The following ASAH2 variants were observed in gnomAD, a reference collection of about 807,000 sequenced individuals.
ASAH2 encodes the protein neutral ceramidase.
ASAH2 carries 58 observed loss-of-function variants against 82.9 expected under a neutral mutation model. The ratio of observed to expected loss-of-function variants is 0.70; its 90% confidence interval spans 0.57 to 0.87. The LOEUF is 0.87. ASAH2 is among the 40% of genes least tolerant of loss of function. The pLI is 0.00. For missense variants in ASAH2, 779 were observed against 834.0 expected (o/e 0.93, Z 0.81); for synonymous variants, 276 against 289.7 (o/e 0.95, Z 0.48).
intron 4 of ASAH2, among the ~76,000 whole-genome samples, chr10:50,240,281 C>T (rs1459486370): frequency 6.6e-6 from 1 of 152,180 alleles, no homozygotes; most frequent in African/African-American, 2.4e-5. Context: ...GCTTCCCTTT[C>T]TTGTTCCTTC....
chr10:50,210,867 G>A lies in ASAH2; in HGVS notation c.1370C>T (p.Ala457Val), dbSNP rs907585652. Residue 457 changes from alanine (A) to valine (V), a missense_variant, in exon 12 of 21, where the codon GCA becomes GTA. Ala to Val is a moderately conservative substitution (Grantham distance 64). Transcript: ENST00000682911. ...TCCAACTCCATCAATAGTGCCAGCT[G>A]CAAAACTGTAGCCCAATGCTGGTTT... ...TCKPALGYSF[A>V]AGTIDGVGGL... 144 of 1,613,406 alleles carry A rather than the reference G, an allele frequency of 8.9e-5. No homozygotes were observed. Among genetic ancestry groups the A allele is most frequent in the Middle Eastern group, 1.7e-4 (1 of 6,056 alleles).
intron 16 of ASAH2, among the ~76,000 whole-genome samples, chr10:50,201,968 T>C (rs1845161541): frequency 6.6e-6 from 1 of 152,116 alleles, no homozygotes; most frequent in South Asian, 2.1e-4. Flanking sequence ...ACTGCTAAAA[T>C]AATTTGTTTG....
chr10:50,195,837 C>A lies in ASAH2; in HGVS notation c.2004+936G>T, dbSNP rs1233653802. ...TGATCTCACTTATATATAGAACCTT[C>A]AAGAGTTAAACTCATAGAAGTAGAG... is the stretch of plus-strand genomic sequence containing the variant. On this transcript the variant is annotated intron_variant, in intron 18 of 20. Coordinates refer to ENST00000682911, the MANE Select transcript of ASAH2 (RefSeq NM_019893.4). Among the ~76,000 whole-genome samples, 1,078 of 151,590 alleles carry A rather than the reference C, an allele frequency of 7.1e-3. 13 individuals are homozygous for A. The highest frequency in any genetic ancestry group is 0.025 in the African/African-American group (1,031 of 41,330).
intron 17 of ASAH2, among the ~76,000 whole-genome samples, chr10:50,198,744 T>C (rs1255104924): frequency 1.4e-4 from 22 of 152,064 alleles, no homozygotes; most frequent in African/African-American, 4.6e-4. Context: ...TGGGGAGAAA[T>C]GATATCTCCT....
intron 12 of ASAH2, among the ~76,000 whole-genome samples, chr10:50,210,508 T>G (rs796819843): frequency 6.6e-6 from 1 of 151,050 alleles, no homozygotes. Flanking sequence ...CTCAAAAAAA[T>G]AAATGCATGC....
rs1845714270 is a variant in ASAH2 at position 50,220,519 on chromosome 10, A to C, written c.894-1889T>G. ...GAGGCTCCATTTGTTACTCTTAGCA[A>C]ACAAACACAGGAACAGAAAACCAAA... On this transcript the variant is annotated intron_variant, in intron 7 of 20. Transcript: ENST00000682911. 2.6e-5 allele frequency among the ~76,000 whole-genome samples: 4 copies of C among 151,968 alleles called. No individual in the cohort carries two copies. In the South Asian group the frequency reaches 8.3e-4, roughly 31 times the overall value.
At chr10:50,212,824 AC>A in intron 10 of ASAH2, 147 bp downstream of exon 10, 1 of 791,382 alleles carries the variant, frequency 1.3e-6, no homozygotes, top group Non-Finnish European at 2.2e-6. Flanking sequence ...TGCAAAGGCC[AC>A]CTCCCAAGCT....
intron 8 of ASAH2, among the ~76,000 whole-genome samples, chr10:50,216,280 A>G (rs899165065): frequency 2.0e-5 from 3 of 149,970 alleles, no homozygotes; most frequent in African/African-American, 4.9e-5. Context: ...TGTTCTGCAC[A>G]TGTATCCAAA....
chr10:50,219,166 G>C (rs1845682433), intron 7 of ASAH2, among the ~76,000 whole-genome samples: 1 of 152,202 alleles, frequency 6.6e-6, no homozygotes, highest in Non-Finnish European at 1.5e-5. Flanking sequence ...ATTCTTGTGG[G>C]CATTACAGGG....
At position 50,247,112 on chromosome 10, in the gene ASAH2, C is replaced by T. The variant is rs147629034; in HGVS notation, c.127+1372G>A. 2.1e-3 allele frequency among the ~76,000 whole-genome samples: 320 copies of T among 152,080 alleles called. 1 individual carries two copies. The highest frequency in any genetic ancestry group is 7.5e-3 in the African/African-American group (312 of 41,470). On this transcript the variant is annotated intron_variant, in intron 2 of 20. Transcript: ENST00000682911. ...TAATAATAACCTCCCTGAGTCTCAG[C>T]CTCCTGATTTCCTAATTTTAAGAGC...
intron 9 of ASAH2, among the ~76,000 whole-genome samples, chr10:50,214,217 C>A (rs1336927190): frequency 6.6e-6 from 1 of 152,080 alleles, no homozygotes; most frequent in East Asian, 1.9e-4. Context: ...AGAATAGTAA[C>A]TTCTGGGAAG....
intron 7 of ASAH2, among the ~76,000 whole-genome samples, chr10:50,229,543 C>A (rs1010722615): frequency 4.6e-5 from 7 of 152,114 alleles, no homozygotes; most frequent in Non-Finnish European, 4.4e-5. Context: ...TCGACAGCCC[C>A]AACTCCCAAC....
intron 5 of ASAH2, among the ~76,000 whole-genome samples, chr10:50,234,877 A>C (rs1408167943): frequency 6.6e-6 from 1 of 152,116 alleles, no homozygotes; most frequent in Non-Finnish European, 1.5e-5. Flanking sequence ...CCAAAATGGG[A>C]GACTTGACTC....
At position 50,199,671 on chromosome 10, in the gene ASAH2, A is replaced by G. The variant is rs1423082037; in HGVS notation, c.1762-525T>C. On this transcript the variant is annotated intron_variant, in intron 16 of 20. Transcript: ENST00000682911. The stretch of plus-strand genomic sequence containing the variant: ...TATCAAATCTAAAACCAACCTCACC[A>G]CTTCAGACATACCAGCTTCCTCCAC... 4.4e-3 allele frequency among the ~76,000 whole-genome samples: 640 copies of G among 146,982 alleles called. 8 individuals carry two copies. Among genetic ancestry groups the G allele is most frequent in the African/African-American group, 0.016 (613 of 39,174 alleles).
intron 4 of ASAH2, among the ~76,000 whole-genome samples, chr10:50,241,233 A>T (rs1317037871): frequency 1.3e-5 from 2 of 152,186 alleles, no homozygotes; most frequent in African/African-American, 4.8e-5. Context: ...CCAAGACAGA[A>T]TTCCTGACCC....
intron 2 of ASAH2, among the ~76,000 whole-genome samples, chr10:50,246,410 T>G (rs898483693): frequency 7.2e-5 from 11 of 152,226 alleles, no homozygotes; most frequent in African/African-American, 2.7e-4. Context: ...TTAGACATGT[T>G]ATATATTCAT....
chr10:50,248,495 T>A lies in ASAH2; in HGVS notation c.116A>T (p.Glu39Val), dbSNP rs776206430. ...CCCATGACACTTGCCTTTGTGGTTT[T>A]CAATGGTCCCACTGGTGATAAACAA... ...SLLFITSGTI[E>V]NHKDLGGHFF... The change falls in exon 2 of 21, where the codon GAA (glutamate) becomes GTA (valine). Residue 39 changes from glutamate (E) to valine (V), a missense_variant. Glu to Val is a moderately radical substitution (Grantham distance 121). Transcript: ENST00000682911. 2 of 1,613,714 alleles carry A rather than the reference T, an allele frequency of 1.2e-6. No homozygotes were observed. The highest frequency in any genetic ancestry group is 4.5e-5 in the East Asian group (2 of 44,876).
chr10:50,202,467 T>C (rs910363246), intron 16 of ASAH2, among the ~76,000 whole-genome samples: 17 of 152,094 alleles, frequency 1.1e-4, no homozygotes, highest in African/African-American at 3.6e-4. Flanking sequence ...GTGCATTCAA[T>C]AAACAGCTAC....
intron 10 of ASAH2, among the ~76,000 whole-genome samples, chr10:50,212,452 A>G (rs1399534630): frequency 1.3e-5 from 2 of 152,144 alleles, no homozygotes; most frequent in Non-Finnish European, 2.9e-5. Flanking sequence ...TTTTGTAAAA[A>G]GAAAAGAATA....
Sources: allele counts gnomAD v4.1 joint callset (sites outside exome capture counted in the v4.1 genomes callset), GRCh38; gene constraint gnomAD v4.1.1; transcripts MANE v1.5; gene names NCBI Gene and HGNC (gene_info 2026-07-23, HGNC 2026-07-21).